XCR1: variants seen among roughly 807,000 people sequenced by gnomAD.
XCR1 encodes the protein chemokine XC receptor 1.
For synonymous variants in XCR1, 187 were observed against 188.5 expected, an observed-to-expected ratio of 0.99 and a Z score of 0.06; for missense variants, 356 against 424.2, an observed-to-expected ratio of 0.84 and a Z score of 1.41.
intron 1 of XCR1, chr3:46,023,543 G>C: frequency 1.9e-6 from 3 of 1,542,712 alleles, no homozygotes; most frequent in Non-Finnish European, 2.7e-6. Context: ...CGTGAGGAAA[G>C]ATTGAAAGCC....
At chr3:46,031,300 G>T (rs1280955045), upstream of XCR1, among the ~76,000 whole-genome samples, 2 of 152,226 alleles carry the variant, frequency 1.3e-5, no homozygotes, top group Non-Finnish European at 2.9e-5. Flanking sequence ...GTCCCCCGCT[G>T]CCCACAGGCT....
chr3:46,033,624 C>T (rs548285939), intron 5 of XCR1, among the ~76,000 whole-genome samples: 1 of 152,242 alleles, frequency 6.6e-6, no homozygotes, highest in Admixed American at 6.5e-5. Context: ...CTTTGTTCTT[C>T]TTCAGTTTTT....
intron 3 of XCR1, among the ~76,000 whole-genome samples, chr3:46,068,132 T>C (rs1386395826): frequency 1.3e-5 from 2 of 152,234 alleles, no homozygotes; most frequent in Non-Finnish European, 2.9e-5. Flanking sequence ...AAGGTAGTTC[T>C]AGGGCTGATG....
At position 46,017,354 on chromosome 3, in the gene XCR1, A is replaced by T. The variant is rs1423406172; in HGVS notation, c.*3592T>A. 1 of 152,226 alleles carries T rather than the reference A, an allele frequency of 6.6e-6. No homozygotes were observed. The highest frequency in any genetic ancestry group is 1.5e-5 in the Non-Finnish European group (1 of 68,034). The allele number at this position is 152,226 out of a possible 1,614,324, so 9.4% of individuals were successfully genotyped here. ...TTGTCCCATCACAGGCATTTGCATA[A>T]ATGAAACCTGTGAAAAGTTCAACAA... On this transcript the variant is annotated 3_prime_UTR_variant, in exon 2 of 2. Transcript: ENST00000309285.
intron 1 of XCR1, among the ~76,000 whole-genome samples, chr3:46,080,546 A>C (rs1698340278): frequency 6.6e-6 from 1 of 152,180 alleles, no homozygotes; most frequent in African/African-American, 2.4e-5. Context: ...TGAGTGACAA[A>C]GCGAGACCCT....
At chr3:46,079,228 T>G (rs922040974) in intron 1 of XCR1, among the ~76,000 whole-genome samples, 4 of 152,218 alleles carry the variant, frequency 2.6e-5, no homozygotes, top group Non-Finnish European at 4.4e-5. Flanking sequence ...GACATCCTCT[T>G]GTAAATATCT....
chr3:46,076,932 A>T (rs930970880), intron 1 of XCR1, among the ~76,000 whole-genome samples: 2 of 152,204 alleles, frequency 1.3e-5, no homozygotes, highest in Admixed American at 6.5e-5. Flanking sequence ...GAGCACTGAG[A>T]GAGAAAAGAA....
intron 5 of XCR1, among the ~76,000 whole-genome samples, chr3:46,051,657 T>A (rs1022787812): frequency 6.6e-6 from 1 of 152,254 alleles, no homozygotes; most frequent in Non-Finnish European, 1.5e-5. Flanking sequence ...GAGAAGGGTG[T>A]AATTTGCAGG....
intron 4 of XCR1, among the ~76,000 whole-genome samples, chr3:46,054,396 T>G (rs549191609): frequency 5.9e-5 from 9 of 152,278 alleles, no homozygotes; most frequent in African/African-American, 2.2e-4. Flanking sequence ...GCGTTCATGA[T>G]AAACAGTTTG....
chr3:46,023,480 A>G, intron 1 of XCR1: 1 of 1,563,804 alleles, frequency 6.4e-7, no homozygotes, highest in Non-Finnish European at 8.8e-7. Context: ...TTGCAAAGGG[A>G]TAGCCACATG....
intron 3 of XCR1, among the ~76,000 whole-genome samples, chr3:46,073,665 C>T (rs1234329898): frequency 3.3e-5 from 5 of 151,888 alleles, no homozygotes; most frequent in East Asian, 3.9e-4. Context: ...AAAATATTTG[C>T]GACTTATGCA....
chr3:46,068,019 G>A (rs1698106302), intron 3 of XCR1, among the ~76,000 whole-genome samples: 1 of 152,188 alleles, frequency 6.6e-6, no homozygotes, highest in African/African-American at 2.4e-5. Flanking sequence ...TTAAGCAGGG[G>A]AATAAGGTCA....
At chr3:46,053,830 A>G (rs1014228155) in intron 5 of XCR1, among the ~76,000 whole-genome samples, 9 of 152,042 alleles carry the variant, frequency 5.9e-5, no homozygotes, top group Admixed American at 1.3e-4. Context: ...CAACAGACCA[A>G]TTCTGCCCCA....
intron 5 of XCR1, among the ~76,000 whole-genome samples, chr3:46,050,984 A>G (rs1338395584): frequency 6.6e-6 from 1 of 152,160 alleles, no homozygotes; most frequent in East Asian, 1.9e-4. Flanking sequence ...CCTGCATTCA[A>G]TTGCTCTTTT....
chr3:46,075,787 A>T (rs1698248654), intron 2 of XCR1, among the ~76,000 whole-genome samples: 1 of 152,246 alleles, frequency 6.6e-6, no homozygotes, highest in Non-Finnish European at 1.5e-5. Flanking sequence ...GCAAATGAGC[A>T]CATGAAAATA....
chr3:46,047,071 G>A (rs1412069090), intron 5 of XCR1, among the ~76,000 whole-genome samples: 1 of 135,272 alleles, frequency 7.4e-6, no homozygotes, highest in Non-Finnish European at 1.6e-5. Flanking sequence ...ACTTCAGTTT[G>A]TAACTCAGTG....
At chr3:46,062,644 C>T (rs1697986082) in intron 4 of XCR1, among the ~76,000 whole-genome samples, 1 of 152,256 alleles carries the variant, frequency 6.6e-6, no homozygotes, top group Admixed American at 6.5e-5. Flanking sequence ...TCTTGTATCT[C>T]TAATTCCCTC....
chr3:46,058,800 A>C (rs1268797297), intron 4 of XCR1, among the ~76,000 whole-genome samples: 1 of 152,154 alleles, frequency 6.6e-6, no homozygotes, highest in Non-Finnish European at 1.5e-5. Flanking sequence ...CCTGAGGTCA[A>C]GGGATCCACC....
intron 5 of XCR1, among the ~76,000 whole-genome samples, chr3:46,035,023 C>T (rs562358229): frequency 1.1e-4 from 16 of 151,484 alleles, no homozygotes; most frequent in South Asian, 6.3e-4. Context: ...GGTGTGATCT[C>T]GGCTCACTGC....
Sources: gnomAD v4.1 joint callset for allele counts (sites outside exome capture counted in the v4.1 genomes callset) on GRCh38, gnomAD v4.1.1 for gene constraint, MANE v1.5 for transcripts, NCBI Gene and HGNC (gene_info 2026-07-23, HGNC 2026-07-21) for gene names.